The following FSTL4 variants were observed in gnomAD, a reference collection of about 807,000 sequenced individuals.
FSTL4 encodes follistatin like 4.
A neutral mutation model predicts 78.2 loss-of-function variants in FSTL4; 28 were observed. The observed-to-expected ratio is 0.36, with a 90% CI of 0.27 to 0.49. The LOEUF (loss-of-function observed/expected upper bound fraction) is 0.49, where lower values mean the gene tolerates loss of function less well. FSTL4 is among the 20% of genes least tolerant of loss of function. The probability of loss-of-function intolerance (pLI) is 0.98; values close to 1 mark genes in which losing one functional copy is unlikely to be tolerated. For synonymous variants in FSTL4, 422 were observed against 440.5 expected (o/e 0.96, Z 0.53); for missense variants, 922 against 1,084.9 (o/e 0.85, Z 2.11).
At chr5:133,493,150 T>C (rs1758303757) in intron 3 of FSTL4, among the ~76,000 whole-genome samples, 1 of 152,174 alleles carries the variant, frequency 6.6e-6, no homozygotes, top group South Asian at 2.1e-4. Context: ...TACTTTTACA[T>C]TGTGTTTTAT....
intron 3 of FSTL4, among the ~76,000 whole-genome samples, chr5:133,494,137 G>A (rs533894355): frequency 1.9e-3 from 289 of 152,282 alleles, no homozygotes; most frequent in African/African-American, 6.2e-3. Context: ...CCATTTTACA[G>A]TTATGGATAC....
At chr5:133,279,922 G>T (rs1581589418) in intron 6 of FSTL4, among the ~76,000 whole-genome samples, 1 of 152,370 alleles carries the variant, frequency 6.6e-6, no homozygotes, top group South Asian at 2.1e-4. Context: ...GGACAAAGAA[G>T]GAGGCCCTGT....
At chr5:133,553,096 T>C (rs1274444979) in intron 3 of FSTL4, among the ~76,000 whole-genome samples, 1 of 151,938 alleles carries the variant, frequency 6.6e-6, no homozygotes, top group African/African-American at 2.4e-5. Context: ...AAAACGTAAC[T>C]CTCCCTCTGA....
chr5:133,391,614 CTTGCTCAGTTTCTCTCTGCTT>C (rs1755852478), intron 4 of FSTL4, among the ~76,000 whole-genome samples: 1 of 152,218 alleles, frequency 6.6e-6, no homozygotes, highest in East Asian at 1.9e-4. Flanking sequence ...AGCCCTCCGA[CTTGCTCAGTTTCTCTCTGCTT>C]ACTTACCCTG....
intron 3 of FSTL4, among the ~76,000 whole-genome samples, chr5:133,465,268 C>T (rs554176035): frequency 2.0e-5 from 3 of 152,316 alleles, no homozygotes; most frequent in South Asian, 4.2e-4. Flanking sequence ...TCTTACCCAC[C>T]CTTCAAAGTC....
intron 8 of FSTL4, among the ~76,000 whole-genome samples, chr5:133,228,147 A>T (rs1472613661): frequency 6.6e-6 from 1 of 152,154 alleles, no homozygotes; most frequent in Non-Finnish European, 1.5e-5. Flanking sequence ...GGATCCCTTG[A>T]GCCCGGAAGG....
At chr5:133,542,862 G>A (rs968316448) in intron 3 of FSTL4, among the ~76,000 whole-genome samples, 20 of 147,974 alleles carry the variant, frequency 1.4e-4, no homozygotes, top group African/African-American at 4.7e-4. Context: ...ACATAGTTTT[G>A]TTAGATTTAT....
intron 6 of FSTL4, among the ~76,000 whole-genome samples, chr5:133,303,056 T>C (rs1753583520): frequency 6.6e-6 from 1 of 152,220 alleles, no homozygotes; most frequent in Non-Finnish European, 1.5e-5. Flanking sequence ...AGGTCACCCC[T>C]ACTTTCCCTT....
intron 3 of FSTL4, among the ~76,000 whole-genome samples, chr5:133,411,821 C>A (rs900266264): frequency 6.6e-6 from 1 of 151,884 alleles, no homozygotes; most frequent in Non-Finnish European, 1.5e-5. Context: ...CCAAGAGACT[C>A]CAGTGAAAAA....
At chr5:133,224,251 G>C (rs1479814864) in intron 10 of FSTL4, 35 bp from the exon 11 acceptor site, 1 of 1,589,002 alleles carries the variant, frequency 6.3e-7, no homozygotes, top group African/African-American at 1.3e-5. Context: ...GCAGGAGTGT[G>C]ATGGAGTCAA....
chr5:133,376,617 A>G (rs1194693976), intron 4 of FSTL4, among the ~76,000 whole-genome samples: 1 of 152,170 alleles, frequency 6.6e-6, no homozygotes, highest in East Asian at 1.9e-4. Context: ...TAGCACATGA[A>G]GAAACATTTA....
the FSTL4 span, among the ~76,000 whole-genome samples, chr5:133,728,235 C>T: frequency 6.6e-6 from 1 of 152,214 alleles, no homozygotes. Context: ...TCTGAGCACT[C>T]AGCAAATAAC....
chr5:133,649,119 A>G, the FSTL4 span, among the ~76,000 whole-genome samples: 1 of 152,170 alleles, frequency 6.6e-6, no homozygotes, highest in South Asian at 2.1e-4. Flanking sequence ...ATCATGTAGT[A>G]CATAGCCTTT....
intron 3 of FSTL4, among the ~76,000 whole-genome samples, chr5:133,446,297 G>A (rs183753040): frequency 7.9e-5 from 12 of 152,298 alleles, no homozygotes; most frequent in Admixed American, 3.9e-4. Context: ...AAAATTAGCC[G>A]GGCGTGCTGG....
At chr5:133,604,476 A>C (rs1580817332) in intron 1 of FSTL4, among the ~76,000 whole-genome samples, 2 of 152,112 alleles carry the variant, frequency 1.3e-5, no homozygotes, top group Admixed American at 6.5e-5. Context: ...TGGTAGGCGG[A>C]GGTAGATGGA....
chr5:133,809,803 T>C, the FSTL4 span, among the ~76,000 whole-genome samples: 1 of 152,154 alleles, frequency 6.6e-6, no homozygotes, highest in African/African-American at 2.4e-5. Context: ...CTTCTTCTTC[T>C]GTGTGAGGTC....
At chr5:133,767,409 C>T in the FSTL4 span, among the ~76,000 whole-genome samples, 6 of 152,062 alleles carry the variant, frequency 3.9e-5, no homozygotes, top group Non-Finnish European at 7.4e-5. Flanking sequence ...GGTGGGCCTG[C>T]GTGTGCTGAT....
intron 6 of FSTL4, among the ~76,000 whole-genome samples, chr5:133,279,806 T>C (rs1215639820): frequency 6.6e-6 from 1 of 152,206 alleles, no homozygotes; most frequent in Admixed American, 6.5e-5. Flanking sequence ...AAATAGGATC[T>C]TTGCACATAT....
At chr5:133,510,233 A>C (rs1050199840) in intron 3 of FSTL4, among the ~76,000 whole-genome samples, 1 of 152,168 alleles carries the variant, frequency 6.6e-6, no homozygotes, top group African/African-American at 2.4e-5. Flanking sequence ...CCTTACCCTC[A>C]ATGCTGTGAA....
Sources: gnomAD v4.1 joint callset for allele counts (sites outside exome capture counted in the v4.1 genomes callset) on GRCh38, gnomAD v4.1.1 for gene constraint, MANE v1.5 for transcripts, NCBI Gene and HGNC (gene_info 2026-07-23, HGNC 2026-07-21) for gene names.